FAAH2: variants seen among roughly 807,000 people sequenced by gnomAD.
FAAH2 encodes fatty-acid amide hydrolase 2.
FAAH2 carries 60 observed loss-of-function variants against 36.9 expected under a neutral mutation model. That is an observed-to-expected ratio of 1.63 (90% CI 1.32 to 2.02). The LOEUF is 2.02. FAAH2 is among the 30% of genes most tolerant of loss of function. The pLI is 0.00. For missense variants in FAAH2, 689 were observed against 397.5 expected (o/e 1.73, Z -6.23); for synonymous variants, 214 against 143.8 (o/e 1.49, Z -3.49).
the FAAH2 span, among the ~76,000 whole-genome samples, chrX:57,232,492 G>A: frequency 4.5e-5 from 5 of 111,969 alleles, no homozygotes; most frequent in African/African-American, 1.3e-4. Context: ...TTAAAATTAC[G>A]TAGGCTTTAA....
At chrX:57,341,412 G>C (rs910608848) in intron 5 of FAAH2, 22 bp downstream of exon 5, 1 of 1,193,549 alleles carries the variant, frequency 8.4e-7, no homozygotes, top group Admixed American at 2.3e-5. Flanking sequence ...ATGATCAGAA[G>C]GGTGGTTCTA....
At chrX:57,468,616 G>A (rs890938075) in intron 10 of FAAH2, among the ~76,000 whole-genome samples, 17 of 111,975 alleles carry the variant, frequency 1.5e-4, no homozygotes, top group African/African-American at 3.9e-4. Flanking sequence ...CCAAATCTAC[G>A]TCTGACTGGT....
chrX:57,448,787 T>A, intron 10 of FAAH2, 69 bp downstream of exon 10: 1 of 1,069,827 alleles, frequency 9.3e-7, no homozygotes, highest in Non-Finnish European at 1.3e-6. Context: ...AAGGAAAGCA[T>A]AATTTTCTTT....
Position 57,352,066 on chromosome X carries a change from A to G in FAAH2, c.742+10676A>G, listed in dbSNP as rs1299225583. On this transcript the variant is annotated intron_variant, in intron 5 of 10. Coordinates refer to ENST00000374900, the MANE Select transcript of FAAH2 (RefSeq NM_174912.4). Reference sequence around the variant, plus strand: ...TATATATGTGTATATATATATATATACACATATATATATGTGTATATATAT... The same window carrying G: ...TATATATGTGTATATATATATATATGCACATATATATATGTGTATATATAT... Among the ~76,000 whole-genome samples the G allele has an allele frequency of 4.0e-4, 4 of 9,920 alleles. 2 individuals carry two copies. The highest frequency in any genetic ancestry group is 8.8e-4 in the Non-Finnish European group (2 of 2,280). The allele number at this position is 9,920 out of a possible 115,157, so 8.6% of individuals were successfully genotyped here.
intron 7 of FAAH2, among the ~76,000 whole-genome samples, chrX:57,387,285 A>G (rs946779664): frequency 9.0e-6 from 1 of 111,654 alleles, no homozygotes; most frequent in Non-Finnish European, 1.9e-5. Context: ...TAGAAATAAG[A>G]GGTATGACTA....
chrX:57,421,843 G>A (rs1314753605), intron 7 of FAAH2, among the ~76,000 whole-genome samples: 3 of 111,697 alleles, frequency 2.7e-5, no homozygotes, highest in Non-Finnish European at 5.6e-5. Flanking sequence ...GGGAAATAAA[G>A]CAATGTTTTC....
At chrX:57,172,395 TG>T in the FAAH2 span, among the ~76,000 whole-genome samples, 10 of 110,942 alleles carry the variant, frequency 9.0e-5, no homozygotes, top group East Asian at 2.9e-3. Flanking sequence ...AGCATACAGA[TG>T]GGCAGGTTGT....
At chrX:57,240,353 C>G in the FAAH2 span, among the ~76,000 whole-genome samples, 8 of 111,460 alleles carry the variant, frequency 7.2e-5, no homozygotes, top group East Asian at 2.3e-3. Flanking sequence ...GGTACCAGGC[C>G]TGTGATTTTG....
intron 5 of FAAH2, among the ~76,000 whole-genome samples, chrX:57,342,643 T>G (rs1289367256): frequency 9.0e-6 from 1 of 111,310 alleles, no homozygotes; most frequent in Non-Finnish European, 1.9e-5. Context: ...TATTCTACGT[T>G]CAGGGGGCAC....
At chrX:57,223,582 G>T in the FAAH2 span, among the ~76,000 whole-genome samples, 4 of 110,675 alleles carry the variant, frequency 3.6e-5, no homozygotes, top group East Asian at 2.9e-4. Context: ...TCACCCCAAG[G>T]CTCCTTCCAG....
At chrX:57,476,699 A>G (rs145669195) in intron 10 of FAAH2, among the ~76,000 whole-genome samples, 117 of 111,565 alleles carry the variant, frequency 1.0e-3, no homozygotes, top group African/African-American at 3.7e-3. Flanking sequence ...TGCTGGCCTC[A>G]TAAGATGCAT....
At chrX:57,415,717 G>T (rs1017008114) in intron 7 of FAAH2, among the ~76,000 whole-genome samples, 36 of 111,430 alleles carry the variant, frequency 3.2e-4, no homozygotes, top group African/African-American at 1.1e-3. Context: ...TTGGGGTGGA[G>T]AGTTCTGTAG....
chrX:57,398,605 G>A (rs73626268), intron 7 of FAAH2, among the ~76,000 whole-genome samples: 1,444 of 110,266 alleles, frequency 0.013, 16 homozygotes, highest in African/African-American at 0.045. Flanking sequence ...CCATAAAATG[G>A]GAGGTGACCC....
At chrX:57,410,055 A>C (rs1320055162) in intron 7 of FAAH2, among the ~76,000 whole-genome samples, 1 of 110,710 alleles carries the variant, frequency 9.0e-6, no homozygotes, top group Non-Finnish European at 1.9e-5. Context: ...ACAACTCATA[A>C]TATTTGGTGT....
At chrX:57,155,050 C>A in the FAAH2 span, among the ~76,000 whole-genome samples, 8 of 111,805 alleles carry the variant, frequency 7.2e-5, no homozygotes, top group African/African-American at 2.6e-4. Flanking sequence ...TCAGGTCTCT[C>A]ATCCAGGGAT....
chrX:57,459,094 A>C (rs1483178814), intron 10 of FAAH2, among the ~76,000 whole-genome samples: 1 of 112,474 alleles, frequency 8.9e-6, no homozygotes, highest in Non-Finnish European at 1.9e-5. Context: ...AAATTCTCAC[A>C]GCCAGCACAG....
intron 10 of FAAH2, among the ~76,000 whole-genome samples, chrX:57,450,662 A>G (rs1340004520): frequency 9.0e-6 from 1 of 110,985 alleles, no homozygotes; most frequent in African/African-American, 3.3e-5. Flanking sequence ...TCAAGCTTGT[A>G]TAAGCTTTTT....
the FAAH2 span, among the ~76,000 whole-genome samples, chrX:57,168,522 G>A: frequency 2.7e-5 from 3 of 111,378 alleles, no homozygotes; most frequent in Non-Finnish European, 3.8e-5. Flanking sequence ...CTTCTCCTTT[G>A]GCTTAAAAGA....
At chrX:57,437,768 A>C (rs1322129782) in intron 8 of FAAH2, among the ~76,000 whole-genome samples, 2 of 102,707 alleles carry the variant, frequency 1.9e-5, no homozygotes, top group East Asian at 6.0e-4. Flanking sequence ...TTATATTGAA[A>C]TATAATTATA....
Sources: allele counts gnomAD v4.1 joint callset (sites outside exome capture counted in the v4.1 genomes callset), GRCh38; gene constraint gnomAD v4.1.1; transcripts MANE v1.5; gene names NCBI Gene and HGNC (gene_info 2026-07-23, HGNC 2026-07-21).